TBC1D22A: variants seen among roughly 807,000 people sequenced by gnomAD.
TBC1D22A encodes TBC1 domain family member 22A.
A neutral mutation model predicts 60.2 loss-of-function variants in TBC1D22A; 38 were observed. The ratio of observed to expected loss-of-function variants is 0.63; its 90% CI spans 0.49 to 0.83. The LOEUF (loss-of-function observed/expected upper bound fraction) is 0.83, where lower values mean the gene tolerates loss of function less well. Among genes scored for constraint, TBC1D22A ranks in the 40% least tolerant of loss-of-function variants. TBC1D22A has a pLI of 0.00. For missense variants in TBC1D22A, 628 were observed against 701.0 expected (o/e 0.90, Z 1.18); for synonymous variants, 302 against 281.7 (o/e 1.07, Z -0.72).
At chr22:46,840,599 A>C (rs922437331) in intron 4 of TBC1D22A, among the ~76,000 whole-genome samples, 5 of 151,756 alleles carry the variant, frequency 3.3e-5, no homozygotes, top group African/African-American at 1.2e-4. Context: ...TGGGCATGGT[A>C]GTGTGCGCCT....
intron 8 of TBC1D22A, among the ~76,000 whole-genome samples, chr22:46,920,566 A>G (rs2070693384): frequency 1.3e-5 from 2 of 152,094 alleles, no homozygotes; most frequent in African/African-American, 2.4e-5. Context: ...TGCCTCTCCC[A>G]GGTAGATTCG....
At chr22:47,157,509 A>T (rs1601707312) in intron 12 of TBC1D22A, among the ~76,000 whole-genome samples, 1 of 152,244 alleles carries the variant, frequency 6.6e-6, no homozygotes, top group South Asian at 2.1e-4. Flanking sequence ...ACGGGCCAGG[A>T]TGTGGTTCTC....
At position 47,174,607 on chromosome 22, in the gene TBC1D22A, T is replaced by TCATGGACCGGTTCCTC. The variant is rs6147653; in HGVS notation, c.*999_*1014dup. 1 of 150,446 alleles carries TCATGGACCGGTTCCTC rather than the reference T, an allele frequency of 6.6e-6. No individual in the cohort carries two copies. The highest frequency in any genetic ancestry group is 2.4e-5 in the African/African-American group (1 of 41,096). The allele number at this position is 150,446 out of a possible 1,614,324, so 9.3% of individuals were successfully genotyped here. A position where few individuals can be genotyped will look rare whatever the true frequency, so the allele number is the denominator to read the frequency against. ...TGTAGGGGAGGTGTGACTGGTTCCA[T>TCATGGACCGGTTCCTC]CATGGACCGGTTCCTCCATGGACCG... On this transcript the variant is annotated 3_prime_UTR_variant, in exon 13 of 13. Transcript: ENST00000337137.
At chr22:47,113,164 T>C (rs2065911133) in intron 12 of TBC1D22A, among the ~76,000 whole-genome samples, 1 of 152,188 alleles carries the variant, frequency 6.6e-6, no homozygotes, top group Non-Finnish European at 1.5e-5. Context: ...CGGCCACTCC[T>C]GGTAGGACGG....
chr22:46,828,497 C>G (rs1443685651), intron 4 of TBC1D22A, among the ~76,000 whole-genome samples: 1 of 152,256 alleles, frequency 6.6e-6, no homozygotes, highest in South Asian at 2.1e-4. Context: ...CTGGAGTTCA[C>G]ACTCTCCCTG....
chr22:46,851,051 G>A (rs1356711879), intron 4 of TBC1D22A, among the ~76,000 whole-genome samples: 1 of 152,184 alleles, frequency 6.6e-6, no homozygotes, highest in Non-Finnish European at 1.5e-5. Flanking sequence ...TCCTGTATGG[G>A]GTGATGGAAA....
At chr22:47,125,778 C>T (rs905182724) in intron 12 of TBC1D22A, among the ~76,000 whole-genome samples, 2 of 152,222 alleles carry the variant, frequency 1.3e-5, no homozygotes, top group South Asian at 4.1e-4. Context: ...GGGCCCCCTA[C>T]CGGCTGCTGT....
intron 12 of TBC1D22A, among the ~76,000 whole-genome samples, chr22:47,157,998 A>G (rs1352099603): frequency 6.6e-6 from 1 of 151,928 alleles, no homozygotes; most frequent in Non-Finnish European, 1.5e-5. Flanking sequence ...GCTGCCCGTC[A>G]CCCTCCAGCC....
chr22:46,910,973 A>G (rs2069875330), intron 7 of TBC1D22A, among the ~76,000 whole-genome samples: 1 of 150,844 alleles, frequency 6.6e-6, no homozygotes, highest in Non-Finnish European at 1.5e-5. Context: ...GGCTGGGGAG[A>G]CCCTGGGGCA....
At chr22:46,882,518 G>A (rs1243092573) in intron 5 of TBC1D22A, among the ~76,000 whole-genome samples, 7 of 152,170 alleles carry the variant, frequency 4.6e-5, no homozygotes, top group Admixed American at 1.3e-4. Context: ...CGCTATGCCC[G>A]CCACTGCAGG....
At chr22:46,848,855 C>A (rs2087140456) in intron 4 of TBC1D22A, among the ~76,000 whole-genome samples, 2 of 151,646 alleles carry the variant, frequency 1.3e-5, no homozygotes, top group Admixed American at 1.3e-4. Flanking sequence ...TGTTTCAGCC[C>A]ACCGTAATAG....
intron 8 of TBC1D22A, among the ~76,000 whole-genome samples, chr22:46,939,879 A>G (rs2147933535): frequency 6.6e-6 from 1 of 152,352 alleles, no homozygotes; most frequent in South Asian, 2.1e-4. Context: ...GAGGAATTGG[A>G]AAGCTGGCAT....
chr22:46,808,540 T>C (rs929652848), intron 4 of TBC1D22A, among the ~76,000 whole-genome samples: 3 of 151,974 alleles, frequency 2.0e-5, no homozygotes, highest in Non-Finnish European at 4.4e-5. Context: ...ACCTTTATCC[T>C]GATGTTATTG....
chr22:47,008,191 A>C (rs1333212663), intron 10 of TBC1D22A, among the ~76,000 whole-genome samples: 2 of 152,192 alleles, frequency 1.3e-5, no homozygotes, highest in Non-Finnish European at 2.9e-5. Flanking sequence ...TTACTCCAGA[A>C]TGCTGGTTCA....
chr22:46,941,168 G>A (rs1473672895), intron 8 of TBC1D22A, among the ~76,000 whole-genome samples: 3 of 117,670 alleles, frequency 2.5e-5, no homozygotes, highest in Non-Finnish European at 1.7e-5. Flanking sequence ...GAACAGCATG[G>A]GGACTGGGAC....
intron 9 of TBC1D22A, among the ~76,000 whole-genome samples, chr22:46,978,966 T>C (rs2074410620): frequency 1.3e-5 from 2 of 152,224 alleles, no homozygotes; most frequent in African/African-American, 4.8e-5. Flanking sequence ...ATTCATACTA[T>C]ACTATTACTC....
chr22:46,900,863 A>G (rs752762385), intron 7 of TBC1D22A, among the ~76,000 whole-genome samples: 1 of 152,170 alleles, frequency 6.6e-6, no homozygotes, highest in Non-Finnish European at 1.5e-5. Context: ...TTCATGTACT[A>G]ATCTTATTGG....
chr22:46,955,636 A>C (rs914320054), intron 8 of TBC1D22A, among the ~76,000 whole-genome samples: 5 of 152,260 alleles, frequency 3.3e-5, no homozygotes, highest in African/African-American at 7.2e-5. Flanking sequence ...ATGACTAATA[A>C]GCTGAAAAAA....
intron 9 of TBC1D22A, among the ~76,000 whole-genome samples, chr22:46,980,603 T>C (rs1269422112): frequency 6.6e-6 from 1 of 152,226 alleles, no homozygotes; most frequent in African/African-American, 2.4e-5. Flanking sequence ...AATGTAGTGC[T>C]GAGAAAATTA....
Sources: allele counts gnomAD v4.1 joint callset (sites outside exome capture counted in the v4.1 genomes callset), GRCh38; gene constraint gnomAD v4.1.1; transcripts MANE v1.5; gene names NCBI Gene and HGNC (gene_info 2026-07-23, HGNC 2026-07-21).